The following ANKRD36C variants were observed in gnomAD, a reference collection of about 807,000 sequenced individuals.
ANKRD36C encodes the protein ankyrin repeat domain-containing protein 36C.
A neutral mutation model predicts 276.4 loss-of-function variants in ANKRD36C; 61 were observed. The ratio of observed to expected loss-of-function variants is 0.22; its 90% CI spans 0.18 to 0.27. The LOEUF (loss-of-function observed/expected upper bound fraction) is 0.27. Ranked by LOEUF, ANKRD36C falls within the 10% of genes least tolerant of loss-of-function variation. The probability of loss-of-function intolerance (pLI) is 1.00; values close to 1 mark genes in which losing one functional copy is unlikely to be tolerated. For missense variants in ANKRD36C, 1,447 were observed against 2,032.3 expected (o/e 0.71, Z 5.54); for synonymous variants, 483 against 680.1 (o/e 0.71, Z 4.51).
intron 28 of ANKRD36C, 96 bp downstream of exon 28, chr2:95,927,118 G>A (rs1412794829): frequency 4.7e-5 from 71 of 1,516,876 alleles, no homozygotes; most frequent in Non-Finnish European, 6.1e-5. Flanking sequence ...ATCAGAATGT[G>A]CAGCTTCAAT....
At chr2:95,912,541 T>G in intron 40 of ANKRD36C, 106 bp from the exon 43 acceptor site, 2 of 1,568,602 alleles carry the variant, frequency 1.3e-6, no homozygotes. Context: ...CCTGTATTAG[T>G]GGAGGCTTTG....
chr2:95,986,782 G>A (rs764029040), exon 3 of ANKRD36C: 3 of 1,611,912 alleles, frequency 1.9e-6, no homozygotes, highest in South Asian at 1.1e-5. Context: ...TGCACCATAT[G>A]AAAGAAGTTT....
intron 58 of ANKRD36C, among the ~76,000 whole-genome samples, chr2:95,879,246 T>G (rs137875099): frequency 5.0e-4 from 76 of 152,132 alleles, no homozygotes; most frequent in African/African-American, 1.7e-3. Flanking sequence ...TGTGAGAAAT[T>G]TCAAAAATAG....
intron 44 of ANKRD36C, chr2:95,893,559 T>A: frequency 6.4e-7 from 1 of 1,555,532 alleles, no homozygotes; most frequent in East Asian, 2.4e-5. Flanking sequence ...TCCATCCTTT[T>A]TTTCTCTGGC....
chr2:95,852,333 G>A, intron 64 of ANKRD36C, 137 bp from the exon 85 acceptor site: 1 of 723,110 alleles, frequency 1.4e-6, no homozygotes, highest in Non-Finnish European at 2.3e-6. Context: ...CATAATCTAG[G>A]AGAAGTCATC....
chr2:95,965,607 C>T (rs113779089), intron 6 of ANKRD36C, among the ~76,000 whole-genome samples: 9 of 151,910 alleles, frequency 5.9e-5, no homozygotes, highest in African/African-American at 2.2e-4. Context: ...TAATATAGTA[C>T]AAATCAATAA....
At chr2:95,910,789 G>A (rs989969280) in intron 42 of ANKRD36C, among the ~76,000 whole-genome samples, 5 of 151,332 alleles carry the variant, frequency 3.3e-5, no homozygotes, top group African/African-American at 4.8e-5. Context: ...AACACGGTAC[G>A]ATTTCTCATA....
intron 13 of ANKRD36C, among the ~76,000 whole-genome samples, chr2:95,955,553 G>A (rs1396578519): frequency 1.3e-5 from 2 of 152,130 alleles, no homozygotes; most frequent in South Asian, 2.1e-4. Flanking sequence ...GCTGTCCCCT[G>A]CAAATTCCAT....
intron 13 of ANKRD36C, among the ~76,000 whole-genome samples, chr2:95,955,340 C>G (rs1031778367): frequency 2.0e-4 from 31 of 152,260 alleles, no homozygotes; most frequent in African/African-American, 7.5e-4. Context: ...TTTGTCAGTT[C>G]CTCCAGTTAA....
chr2:95,921,353 G>A (rs1363285338), intron 34 of ANKRD36C, among the ~76,000 whole-genome samples: 3 of 151,146 alleles, frequency 2.0e-5, no homozygotes, highest in African/African-American at 4.9e-5. Context: ...CTTATGTCTT[G>A]AACCTCTCTC....
At chr2:95,989,173 A>G (rs1271093049) in intron 1 of ANKRD36C, among the ~76,000 whole-genome samples, 1 of 152,216 alleles carries the variant, frequency 6.6e-6, no homozygotes, top group East Asian at 1.9e-4. Context: ...TCACAAAAAT[A>G]AACAAACAAG....
intron 6 of ANKRD36C, among the ~76,000 whole-genome samples, chr2:95,968,750 T>C (rs1678642751): frequency 6.6e-6 from 1 of 152,192 alleles, no homozygotes; most frequent in Admixed American, 6.5e-5. Context: ...CCACAGCAGT[T>C]ACAAGTCTGG....
At chr2:95,912,689 G>A (rs1199630937) in intron 40 of ANKRD36C, among the ~76,000 whole-genome samples, 3 of 151,316 alleles carry the variant, frequency 2.0e-5, no homozygotes, top group African/African-American at 7.3e-5. Flanking sequence ...AAATAAAACC[G>A]TGTCAATATC....
At chr2:95,944,193 G>T (rs1677971991) in intron 19 of ANKRD36C, among the ~76,000 whole-genome samples, 1 of 152,078 alleles carries the variant, frequency 6.6e-6, no homozygotes, top group Non-Finnish European at 1.5e-5. Flanking sequence ...CACCGCTTTT[G>T]AGGTGTTTTA....
chr2:95,965,561 T>C (rs1558659353), intron 6 of ANKRD36C, among the ~76,000 whole-genome samples: 3 of 152,168 alleles, frequency 2.0e-5, no homozygotes, highest in Admixed American at 6.6e-5. Flanking sequence ...GATACAGCTA[T>C]GCTTGCTAGG....
chr2:95,854,121 A>G (rs1675356026), intron 63 of ANKRD36C, among the ~76,000 whole-genome samples: 1 of 150,936 alleles, frequency 6.6e-6, no homozygotes, highest in Non-Finnish European at 1.5e-5. Flanking sequence ...TGAATCTGCA[A>G]TGCTTAAAAA....
chr2:95,917,075 T>A (rs1380719505), intron 36 of ANKRD36C, among the ~76,000 whole-genome samples: 2 of 151,592 alleles, frequency 1.3e-5, no homozygotes, highest in Admixed American at 6.6e-5. Context: ...AGCTATTGTA[T>A]CCAAGACGTA....
At chr2:95,879,589 T>G (rs1233721647) in intron 58 of ANKRD36C, among the ~76,000 whole-genome samples, 2 of 151,976 alleles carry the variant, frequency 1.3e-5, no homozygotes, top group East Asian at 1.9e-4. Flanking sequence ...AATTTACTCA[T>G]TAAAATTAAA....
intron 42 of ANKRD36C, among the ~76,000 whole-genome samples, chr2:95,907,977 G>A (rs995666242): frequency 6.7e-6 from 1 of 150,178 alleles, no homozygotes; most frequent in Non-Finnish European, 1.5e-5. Context: ...GTTCACTCAG[G>A]TTTTCTCAGC....
Sources: allele counts gnomAD v4.1 joint callset (sites outside exome capture counted in the v4.1 genomes callset), GRCh38; gene constraint gnomAD v4.1.1; transcripts MANE v1.5; gene names NCBI Gene and HGNC (gene_info 2026-07-23, HGNC 2026-07-21).